GALNTL6: variants seen among roughly 807,000 people sequenced by gnomAD.
GALNTL6 encodes polypeptide N-acetylgalactosaminyltransferase-like 6.
A neutral mutation model predicts 73.7 loss-of-function variants in GALNTL6; 46 were observed. The observed-to-expected ratio is 0.62, with a 90% confidence interval of 0.49 to 0.80. GALNTL6 has a LOEUF of 0.80. Ranked by LOEUF, GALNTL6 falls within the 30% of genes least tolerant of loss-of-function variation. The pLI is 0.00. For synonymous variants in GALNTL6, 259 were observed against 263.7 expected, an observed-to-expected ratio of 0.98 and a Z score of 0.17; for missense variants, 604 against 755.0, an observed-to-expected ratio of 0.80 and a Z score of 2.34.
intron 4 of GALNTL6, among the ~76,000 whole-genome samples, chr4:172,316,346 T>G (rs895570942): frequency 4.6e-5 from 7 of 152,220 alleles, no homozygotes; most frequent in Admixed American, 3.3e-4. Context: ...ACATGTTACC[T>G]GAGATAGACT....
chr4:171,890,918 A>G (rs1736743193), intron 2 of GALNTL6, among the ~76,000 whole-genome samples: 2 of 152,012 alleles, frequency 1.3e-5, no homozygotes, highest in Non-Finnish European at 2.9e-5. Flanking sequence ...ATCCCTTCTT[A>G]TTGTGTTCTT....
chr4:171,898,105 G>T (rs1736980448), intron 2 of GALNTL6, among the ~76,000 whole-genome samples: 1 of 151,812 alleles, frequency 6.6e-6, no homozygotes, highest in African/African-American at 2.4e-5. Flanking sequence ...TATATGAAAG[G>T]CAAATAAACA....
intron 5 of GALNTL6, among the ~76,000 whole-genome samples, chr4:172,413,657 T>A (rs1216169257): frequency 5.5e-3 from 2 of 366 alleles, no homozygotes; most frequent in Admixed American, 0.1. Context: ...TTGTATTAGT[T>A]TTTTTTTTTT....
chr4:172,330,404 C>G (rs1365304061), intron 4 of GALNTL6, among the ~76,000 whole-genome samples: 3 of 152,186 alleles, frequency 2.0e-5, no homozygotes, highest in African/African-American at 7.2e-5. Flanking sequence ...TAGGGAGGCT[C>G]CCCTGGCTCC....
At chr4:172,706,476 G>T (rs1309312461) in intron 5 of GALNTL6, among the ~76,000 whole-genome samples, 1 of 151,824 alleles carries the variant, frequency 6.6e-6, no homozygotes, top group East Asian at 1.9e-4. Flanking sequence ...TTGTCCATTT[G>T]GGGAGGTCAT....
chr4:172,220,146 G>T (rs967259578), intron 2 of GALNTL6, among the ~76,000 whole-genome samples: 4 of 151,526 alleles, frequency 2.6e-5, no homozygotes, highest in Non-Finnish European at 5.9e-5. Context: ...AGGTAACATC[G>T]TATAGTTTCC....
At chr4:171,907,634 G>T (rs1560835977) in intron 2 of GALNTL6, among the ~76,000 whole-genome samples, 1 of 151,800 alleles carries the variant, frequency 6.6e-6, no homozygotes, top group Non-Finnish European at 1.5e-5. Context: ...CATAGAATTG[G>T]AAAAAACTAC....
intron 12 of GALNTL6, among the ~76,000 whole-genome samples, chr4:173,034,029 C>G (rs1440008258): frequency 6.6e-6 from 1 of 152,122 alleles, no homozygotes; most frequent in African/African-American, 2.4e-5. Context: ...CACACCAATC[C>G]TGTTTCTCTT....
intron 2 of GALNTL6, among the ~76,000 whole-genome samples, chr4:172,051,305 C>T (rs989430071): frequency 3.3e-5 from 5 of 152,266 alleles, no homozygotes; most frequent in Non-Finnish European, 5.9e-5. Context: ...TATTACAGTG[C>T]GTTCTTTTAG....
chr4:172,491,512 G>C (rs1164037606), intron 5 of GALNTL6, among the ~76,000 whole-genome samples: 1 of 152,076 alleles, frequency 6.6e-6, no homozygotes, highest in Non-Finnish European at 1.5e-5. Context: ...AGTAATAAAA[G>C]TTTGTGAGAC....
At chr4:172,801,380 T>C (rs1462634475) in intron 5 of GALNTL6, among the ~76,000 whole-genome samples, 1 of 152,198 alleles carries the variant, frequency 6.6e-6, no homozygotes, top group Non-Finnish European at 1.5e-5. Flanking sequence ...CAAATAAATC[T>C]TTTAACTATA....
At chr4:172,698,391 G>A (rs1733816768) in intron 5 of GALNTL6, among the ~76,000 whole-genome samples, 5 of 152,096 alleles carry the variant, frequency 3.3e-5, no homozygotes. Flanking sequence ...CATAGCCTCT[G>A]AGCATTAGGC....
At chr4:172,944,238 T>C (rs1749049253) in intron 9 of GALNTL6, among the ~76,000 whole-genome samples, 1 of 152,232 alleles carries the variant, frequency 6.6e-6, no homozygotes, top group Non-Finnish European at 1.5e-5. Flanking sequence ...CAAAGGTTTG[T>C]ATCCATAATA....
At chr4:172,266,703 A>T (rs558435300) in intron 3 of GALNTL6, among the ~76,000 whole-genome samples, 1 of 152,196 alleles carries the variant, frequency 6.6e-6, no homozygotes, top group Admixed American at 6.6e-5. Flanking sequence ...TTCCCTACAG[A>T]TATTTTTAAA....
At chr4:171,993,702 T>C (rs1325580302) in intron 2 of GALNTL6, among the ~76,000 whole-genome samples, 2 of 151,770 alleles carry the variant, frequency 1.3e-5, no homozygotes, top group Non-Finnish European at 2.9e-5. Flanking sequence ...TCATAGTTAG[T>C]ATTATGAAAG....
chr4:172,185,917 G>A (rs1645991378), intron 2 of GALNTL6, among the ~76,000 whole-genome samples: 3 of 152,126 alleles, frequency 2.0e-5, no homozygotes, highest in African/African-American at 4.8e-5. Flanking sequence ...ATGCAAAATA[G>A]GCGCAACAAA....
chr4:172,339,180 G>T (rs897980491), intron 4 of GALNTL6, among the ~76,000 whole-genome samples: 2 of 151,754 alleles, frequency 1.3e-5, no homozygotes, highest in East Asian at 3.9e-4. Flanking sequence ...ATATGCCTGG[G>T]CATGGAGTAG....
chr4:172,981,132 C>G (rs926674702), intron 10 of GALNTL6, among the ~76,000 whole-genome samples: 10 of 152,176 alleles, frequency 6.6e-5, no homozygotes, highest in African/African-American at 2.4e-4. Flanking sequence ...CACCTTTAGG[C>G]TATGCTTAAT....
chr4:172,889,835 A>G (rs1190527704), intron 8 of GALNTL6, among the ~76,000 whole-genome samples: 1 of 152,176 alleles, frequency 6.6e-6, no homozygotes, highest in African/African-American at 2.4e-5. Context: ...AATTGGTAGC[A>G]GCTCTTCGTT....
Sources: allele counts gnomAD v4.1 joint callset (sites outside exome capture counted in the v4.1 genomes callset), GRCh38; gene constraint gnomAD v4.1.1; transcripts MANE v1.5; gene names NCBI Gene and HGNC (gene_info 2026-07-23, HGNC 2026-07-21).